The following ATP13A4 variants were observed in gnomAD, a reference collection of about 807,000 sequenced individuals.
ATP13A4 encodes probable cation-transporting ATPase 13A4.
In ATP13A4, 114 loss-of-function variants were observed where a neutral mutation model predicts 142.5. The ratio of observed to expected loss-of-function variants is 0.80; its 90% CI spans 0.69 to 0.93. The LOEUF is 0.93. ATP13A4 is among the 40% of genes least tolerant of loss of function. The pLI, the probability that ATP13A4 is intolerant of heterozygous loss-of-function variation, is 0.00. For synonymous variants in ATP13A4, 488 were observed against 514.8 expected (o/e 0.95, Z 0.70); for missense variants, 1,392 against 1,454.0 (o/e 0.96, Z 0.69).
chr3:193,542,936 T>A (rs371883882), intron 1 of ATP13A4, among the ~76,000 whole-genome samples: 2 of 152,030 alleles, frequency 1.3e-5, no homozygotes, highest in Admixed American at 6.5e-5. Context: ...GAGGCCGAGG[T>A]GGGCAGATCA....
chr3:193,557,410 T>C (rs1433774875), upstream of ATP13A4, among the ~76,000 whole-genome samples: 1 of 152,168 alleles, frequency 6.6e-6, no homozygotes, highest in Non-Finnish European at 1.5e-5. Context: ...AACATAACCA[T>C]AACCAGAAAC....
rs142624162 is a variant in ATP13A4 at position 193,575,437 on chromosome 3, T to C, written n.291+6270A>G. Among the ~76,000 whole-genome samples, 442 of 152,132 alleles carry C rather than the reference T, an allele frequency of 2.9e-3. 3 individuals are homozygous for C. The highest frequency in any genetic ancestry group is 0.017 in the South Asian group (81 of 4,806). ...AAATAAAAGATATAATCAAACCACT[T>C]TGAATTTGAATTGCACAGGAATTTG... On this transcript the variant is annotated intron_variant and non_coding_transcript_variant, in intron 2 of 3. Transcript: ENST00000489140.
chr3:193,540,460 G>C (rs2108714380), intron 1 of ATP13A4, among the ~76,000 whole-genome samples: 1 of 125,474 alleles, frequency 8.0e-6, no homozygotes, highest in South Asian at 2.7e-4. Context: ...AGTATTAAAA[G>C]TCAAACTGGC....
intron 16 of ATP13A4, among the ~76,000 whole-genome samples, chr3:193,455,104 C>T (rs531934297): frequency 1.1e-4 from 17 of 151,934 alleles, no homozygotes; most frequent in Non-Finnish European, 1.5e-4. Context: ...TTTGGGAGGC[C>T]GAGGTGGGCG....
intron 1 of ATP13A4, among the ~76,000 whole-genome samples, chr3:193,533,197 T>C (rs1437012902): frequency 6.6e-6 from 1 of 152,166 alleles, no homozygotes; most frequent in South Asian, 2.1e-4. Flanking sequence ...CTGGGCTAAA[T>C]AGCAAGACCT....
intron 8 of ATP13A4, among the ~76,000 whole-genome samples, chr3:193,483,294 A>T (rs950534616): frequency 2.0e-5 from 3 of 152,132 alleles, no homozygotes; most frequent in Non-Finnish European, 2.9e-5. Flanking sequence ...AAAAAACTAG[A>T]AACAGGAACA....
intron 2 of ATP13A4, among the ~76,000 whole-genome samples, chr3:193,504,168 A>T (rs985495475): frequency 3.3e-5 from 5 of 152,182 alleles, no homozygotes; most frequent in Admixed American, 2.6e-4. Flanking sequence ...GGATTTAAAA[A>T]AAAAGGTGAC....
At chr3:193,544,697 G>A (rs1489659486) in intron 1 of ATP13A4, among the ~76,000 whole-genome samples, 1 of 152,192 alleles carries the variant, frequency 6.6e-6, no homozygotes, top group Non-Finnish European at 1.5e-5. Context: ...TATACAAAAA[G>A]GGATCTGGAG....
chr3:193,428,011 C>A (rs1159594248), intron 25 of ATP13A4, among the ~76,000 whole-genome samples: 2 of 152,044 alleles, frequency 1.3e-5, no homozygotes, highest in Admixed American at 6.6e-5. Flanking sequence ...GCAACCTATA[C>A]AATGGGAGAA....
chr3:193,444,632 T>C (rs1274832714), intron 18 of ATP13A4, among the ~76,000 whole-genome samples: 1 of 152,222 alleles, frequency 6.6e-6, no homozygotes, highest in Admixed American at 6.5e-5. Context: ...GTTTTCAACA[T>C]ATGTCATAGT....
intron 2 of ATP13A4, among the ~76,000 whole-genome samples, chr3:193,562,229 A>G (rs1251967667): frequency 1.3e-5 from 2 of 152,204 alleles, no homozygotes; most frequent in African/African-American, 4.8e-5. Flanking sequence ...ACAAACAAAA[A>G]AAAACTACAT....
intron 25 of ATP13A4, among the ~76,000 whole-genome samples, chr3:193,433,409 G>A (rs1261229223): frequency 6.6e-6 from 1 of 152,172 alleles, no homozygotes; most frequent in Non-Finnish European, 1.5e-5. Context: ...GGTAAGAGAG[G>A]TATAATGGCA....
chr3:193,469,258 T>C (rs1397577420), intron 9 of ATP13A4, among the ~76,000 whole-genome samples: 1 of 152,158 alleles, frequency 6.6e-6, no homozygotes, highest in East Asian at 1.9e-4. Flanking sequence ...TAGAAAGTTA[T>C]AGAGAAGATA....
At chr3:193,531,367 GAGGGAGGAGCGAAGGAGGAGGT>G (rs1722330874) in intron 1 of ATP13A4, among the ~76,000 whole-genome samples, 1 of 121,264 alleles carries the variant, frequency 8.2e-6, no homozygotes, top group African/African-American at 2.9e-5. Flanking sequence ...AGGAGGGAGG[GAGGGAGGAGCGAAGGAGGAGGT>G]AGGGAGGGAA....
Position 193,492,861 on chromosome 3 carries a change from T to C in ATP13A4, c.533+56A>G, listed in dbSNP as rs1439866578. The C allele has an allele frequency of 9.3e-6, 12 of 1,291,500 alleles. No homozygotes were observed. In the African/African-American group the frequency reaches 1.5e-4, roughly 16 times the overall value. 80.0% of individuals were successfully genotyped at this position (1,291,500 alleles called of 1,614,324 possible). A position where few individuals can be genotyped will look rare whatever the true frequency, so the allele number is the denominator to read the frequency against. On this transcript the variant is annotated intron_variant, in intron 5 of 29. Coordinates refer to ENST00000342695, the MANE Select transcript of ATP13A4 (RefSeq NM_032279.4). ...AGATAACTATTTACTAGCTGTCTAT[T>C]TGGCTAACTGATAATAATCCTTTTG...
intron 11 of ATP13A4, among the ~76,000 whole-genome samples, chr3:193,465,486 C>A (rs1218672395): frequency 2.6e-5 from 4 of 152,164 alleles, no homozygotes; most frequent in East Asian, 1.9e-4. Flanking sequence ...CCTTGCCCGG[C>A]CTTCCTTCTT....
At chr3:193,414,781 G>C (rs779997321) in intron 25 of ATP13A4, 31 bp from the exon 26 acceptor site, 1 of 1,603,534 alleles carries the variant, frequency 6.2e-7, no homozygotes, top group Non-Finnish European at 8.5e-7. Context: ...TTATATTTAT[G>C]AGAGCAGGAA....
At chr3:193,589,237 G>A (rs1179385334) in intron 1 of ATP13A4, among the ~76,000 whole-genome samples, 3 of 151,890 alleles carry the variant, frequency 2.0e-5, no homozygotes, top group African/African-American at 7.3e-5. Flanking sequence ...TTATATCCTC[G>A]ACTAGGGTTC....
chr3:193,437,836 T>C (rs1421669501), intron 23 of ATP13A4, among the ~76,000 whole-genome samples: 1 of 147,028 alleles, frequency 6.8e-6, no homozygotes, highest in Non-Finnish European at 1.5e-5. Context: ...TTTTTTTTTT[T>C]TTTTTTTTTT....
Sources: gnomAD v4.1 joint callset for allele counts (sites outside exome capture counted in the v4.1 genomes callset) on GRCh38, gnomAD v4.1.1 for gene constraint, MANE v1.5 for transcripts, NCBI Gene and HGNC (gene_info 2026-07-23, HGNC 2026-07-21) for gene names.